Variants in CDKL5 observed in about 807,000 individuals in gnomAD.
CDKL5 encodes the protein cyclin-dependent kinase-like 5.
CDKL5 carries 8 observed loss-of-function variants against 61.7 expected under a neutral mutation model. The ratio of observed to expected loss-of-function variants is 0.13; its 90% CI spans 0.08 to 0.23. The LOEUF is 0.23. Among genes scored for constraint, CDKL5 ranks in the 10% least tolerant of loss-of-function variants. CDKL5 has a pLI of 1.00. For missense variants in CDKL5, 440 were observed against 734.5 expected, an observed-to-expected ratio of 0.60 and a Z score of 4.63; for synonymous variants, 275 against 272.3, an observed-to-expected ratio of 1.01 and a Z score of -0.10.
chrX:18,471,243 T>C (rs1205347134), intron 1 of CDKL5, among the ~76,000 whole-genome samples: 4 of 111,725 alleles, frequency 3.6e-5, no homozygotes, highest in African/African-American at 9.8e-5. Context: ...TGAGATCTTT[T>C]GATACAGGTA....
rs965496578 is a variant in CDKL5 at position 18,506,953 on chromosome X, A to G, written c.-144A>G. On this transcript the variant is annotated 5_prime_UTR_variant, in exon 2 of 18. It removes an upstream start codon present in the reference 5' UTR. Coordinates refer to ENST00000623535, the MANE Select transcript of CDKL5 (RefSeq NM_001323289.2). ...TTTTCAGGGAGTCATTTAATACTTC[A>G]TGATTAGAACAAATATGTGAAAGTT... 7 of 490,357 alleles carry G rather than the reference A, an allele frequency of 1.4e-5. No homozygotes were observed. The highest frequency in any genetic ancestry group is 2.5e-5 in the Non-Finnish European group (7 of 275,337). The allele number at this position is 490,357 out of a possible 1,213,427, so 40.4% of individuals were successfully genotyped here. A position where few individuals can be genotyped will look rare whatever the true frequency, so the allele number is the denominator to read the frequency against.
intron 4 of CDKL5, among the ~76,000 whole-genome samples, chrX:18,573,515 A>G (rs1458999857): frequency 4.5e-5 from 5 of 112,021 alleles, no homozygotes; most frequent in Non-Finnish European, 7.5e-5. Context: ...TCCCCTCCCA[A>G]TGCTCTAAGC....
intron 2 of CDKL5, among the ~76,000 whole-genome samples, chrX:18,508,200 A>T (rs1396414626): frequency 8.9e-6 from 1 of 112,542 alleles, no homozygotes; most frequent in Non-Finnish European, 1.9e-5. Flanking sequence ...ATATTTCAGA[A>T]TTTTCAAATA....
In CDKL5 at chrX:18,604,018, G is replaced by A. The variant is rs1279388510; in HGVS notation, c.1094G>A (p.Ser365Asn). The change falls in exon 12 of 18, where the codon AGC (serine) becomes AAC (asparagine). Residue 365 changes from serine to asparagine, a missense_variant. Ser to Asn is a conservative substitution (Grantham distance 46, BLOSUM62 1). Transcript: ENST00000623535. ...RADEGLPANESFLNGNLAGAS... is the reference protein window; with the variant it reads ...RADEGLPANENFLNGNLAGAS... ...GACGAAGGTCTCCCTGCCAATGAAA[G>A]CTTCCTAAATGGAAACCTTGCTGGA... The A allele has an allele frequency of 3.3e-6, 4 of 1,209,363 alleles. No homozygotes were observed. The highest frequency in any genetic ancestry group is 3.5e-5 in the South Asian group (2 of 56,748).
At chrX:18,426,822 C>G (rs2147611279) in intron 1 of CDKL5, 1 of 112,409 alleles carries the variant, frequency 8.9e-6, no homozygotes, top group Non-Finnish European at 1.9e-5. Context: ...ACAGGATTAT[C>G]GTTTTAGGTA....
chrX:18,430,935 C>T (rs918918479), intron 1 of CDKL5, among the ~76,000 whole-genome samples: 6 of 108,578 alleles, frequency 5.5e-5, no homozygotes, highest in African/African-American at 1.7e-4. Flanking sequence ...GATCTCGGCT[C>T]GCCGCAACCT....
intron 11 of CDKL5, among the ~76,000 whole-genome samples, chrX:18,600,337 T>C (rs191087512): frequency 7.1e-5 from 8 of 111,996 alleles, no homozygotes; most frequent in Admixed American, 6.6e-4. Flanking sequence ...TGCCATGAAA[T>C]TTTTAGGACA....
At chrX:18,509,197 G>GCACACGCGCGCACACACA (rs1555940192) in intron 2 of CDKL5, among the ~76,000 whole-genome samples, 1 of 64,314 alleles carries the variant, frequency 1.6e-5, no homozygotes, top group African/African-American at 5.9e-5. Flanking sequence ...CTCAAAACAC[G>GCACACGCGCGCACACACA]CACACACACA....
intron 1 of CDKL5, among the ~76,000 whole-genome samples, chrX:18,438,126 C>T (rs746194516): frequency 1.5e-4 from 17 of 111,131 alleles, no homozygotes; most frequent in African/African-American, 4.6e-4. Flanking sequence ...AGTGCAGTGG[C>T]GCAATCTCGG....
intron 3 of CDKL5, among the ~76,000 whole-genome samples, chrX:18,559,443 G>A (rs1418233438): frequency 9.1e-6 from 1 of 109,818 alleles, no homozygotes; most frequent in Non-Finnish European, 1.9e-5. Flanking sequence ...TCATGACCTC[G>A]TGATCCGCCC....
chrX:18,607,701 A>G (rs73191527), intron 12 of CDKL5, among the ~76,000 whole-genome samples: 2,224 of 112,142 alleles, frequency 0.02, 25 homozygotes, highest in Non-Finnish European at 0.034. Flanking sequence ...AATCACTCCC[A>G]TGCAAAGTAT....
intron 3 of CDKL5, among the ~76,000 whole-genome samples, chrX:18,562,777 G>A (rs958659758): frequency 8.9e-6 from 1 of 111,744 alleles, no homozygotes; most frequent in Non-Finnish European, 1.9e-5. Flanking sequence ...GGGAGGCAGA[G>A]AAAGTGAGTT....
intron 1 of CDKL5, among the ~76,000 whole-genome samples, chrX:18,467,185 G>T (rs774755164): frequency 1.8e-5 from 2 of 109,763 alleles, no homozygotes; most frequent in African/African-American, 6.6e-5. Context: ...ATAGGGTACC[G>T]AACTAAGGAA....
chrX:18,564,389 T>C (rs1924895337), intron 3 of CDKL5, 88 bp from the exon 4 acceptor site: 2 of 574,880 alleles, frequency 3.5e-6, no homozygotes, highest in African/African-American at 4.6e-5. Flanking sequence ...CTTGCTACTC[T>C]GTCCCAGAAT....
intron 3 of CDKL5, among the ~76,000 whole-genome samples, chrX:18,554,414 CTTT>C (rs1352845700): frequency 1.1e-5 from 1 of 94,894 alleles, no homozygotes. Context: ...ATTTCACTGT[CTTT>C]TTTTTTTTTT....
At chrX:18,489,702 G>A (rs1921922631) in intron 1 of CDKL5, among the ~76,000 whole-genome samples, 1 of 110,714 alleles carries the variant, frequency 9.0e-6, no homozygotes, top group Non-Finnish European at 1.9e-5. Context: ...CCAAACCAAT[G>A]TACATCTTAC....
chrX:18,533,935 C>T (rs2099499644), intron 3 of CDKL5, among the ~76,000 whole-genome samples: 1 of 111,788 alleles, frequency 8.9e-6, no homozygotes, highest in Non-Finnish European at 1.9e-5. Context: ...CCCACTGGCC[C>T]CTAGAACTCT....
intron 3 of CDKL5, among the ~76,000 whole-genome samples, chrX:18,522,388 G>A (rs1275644976): frequency 6.9e-5 from 6 of 86,744 alleles, no homozygotes; most frequent in African/African-American, 2.2e-4. Context: ...TGTGTTGCCC[G>A]GGCTGGAGTG....
chrX:18,618,906 T>C (rs1427112490), intron 15 of CDKL5, among the ~76,000 whole-genome samples: 1 of 110,796 alleles, frequency 9.0e-6, no homozygotes, highest in African/African-American at 3.3e-5. Flanking sequence ...TAGGTGGAGG[T>C]TGCAGTGAGC....
Sources: gnomAD v4.1 joint callset for allele counts (sites outside exome capture counted in the v4.1 genomes callset) on GRCh38, gnomAD v4.1.1 for gene constraint, MANE v1.5 for transcripts, NCBI Gene and HGNC (gene_info 2026-07-23, HGNC 2026-07-21) for gene names.